The following MTAP variants were observed in gnomAD, a reference collection of about 807,000 sequenced individuals.
MTAP encodes the protein S-methyl-5'-thioadenosine phosphorylase.
MTAP carries 33 observed loss-of-function variants against 33.6 expected under a neutral mutation model. That is an observed-to-expected ratio of 0.98 (90% CI 0.74 to 1.31). The LOEUF (loss-of-function observed/expected upper bound fraction) is 1.31. Among genes scored for constraint, MTAP ranks in the 40% most tolerant of loss-of-function variants. The pLI, the probability that MTAP is intolerant of heterozygous loss-of-function variation, is 0.00. For missense variants in MTAP, 367 were observed against 360.0 expected (o/e 1.02, Z -0.16); for synonymous variants, 148 against 125.7 (o/e 1.18, Z -1.19).
intron 4 of MTAP, among the ~76,000 whole-genome samples, chr9:21,820,334 AG>A (rs1824600442): frequency 6.6e-6 from 1 of 152,168 alleles, no homozygotes; most frequent in African/African-American, 2.4e-5. Flanking sequence ...GTGTAAAGAA[AG>A]GATCCAGTTT....
chr9:21,913,224 A>T (rs530280437), intron 1 of MTAP, among the ~76,000 whole-genome samples: 1 of 152,216 alleles, frequency 6.6e-6, no homozygotes, highest in African/African-American at 2.4e-5. Context: ...TTATAAATTC[A>T]ATGCCATCCC....
chr9:21,889,040 G>A (rs1818157672), intron 1 of MTAP, among the ~76,000 whole-genome samples: 2 of 152,008 alleles, frequency 1.3e-5, no homozygotes, highest in Admixed American at 1.3e-4. Flanking sequence ...AGCAAAGCCA[G>A]GGAAATTTTC....
chr9:21,842,962 T>C (rs965785930), intron 5 of MTAP, among the ~76,000 whole-genome samples: 1 of 152,170 alleles, frequency 6.6e-6, no homozygotes, highest in Non-Finnish European at 1.5e-5. Flanking sequence ...TAAGAAAAGA[T>C]ACGCAATGGC....
chr9:21,889,155 T>C (rs577549388), intron 1 of MTAP, among the ~76,000 whole-genome samples: 5 of 152,200 alleles, frequency 3.3e-5, no homozygotes, highest in African/African-American at 9.6e-5. Context: ...TCAAACTTTT[T>C]GAATTTTGTT....
intron 4 of MTAP, among the ~76,000 whole-genome samples, chr9:21,825,260 C>CT (rs1420593914): frequency 6.6e-6 from 1 of 152,184 alleles, no homozygotes; most frequent in African/African-American, 2.4e-5. Flanking sequence ...CCCACATTTT[C>CT]TTTATCTGTT....
intron 1 of MTAP, among the ~76,000 whole-genome samples, chr9:21,916,267 T>A (rs1818690403): frequency 6.6e-6 from 1 of 152,200 alleles, no homozygotes; most frequent in African/African-American, 2.4e-5. Context: ...GATGAGGTCA[T>A]ACCGGGTTGA....
intron 1 of MTAP, among the ~76,000 whole-genome samples, chr9:21,809,874 G>A (rs1161935548): frequency 6.6e-6 from 1 of 152,202 alleles, no homozygotes; most frequent in Non-Finnish European, 1.5e-5. Context: ...AGGCAAAGGA[G>A]AGCTCTAACA....
chr9:21,809,107 C>G (rs1824281228), intron 1 of MTAP: 1 of 152,328 alleles, frequency 6.6e-6, no homozygotes, highest in Admixed American at 6.5e-5. Flanking sequence ...ATCATGTCCC[C>G]TTTTCTCTCC....
intron 1 of MTAP, among the ~76,000 whole-genome samples, chr9:21,889,302 T>G (rs530170098): frequency 1.3e-5 from 2 of 152,296 alleles, no homozygotes; most frequent in East Asian, 3.9e-4. Flanking sequence ...TATTTTATTC[T>G]TTTAACTTCT....
At chr9:21,840,114 T>A (rs2118348946) in intron 5 of MTAP, among the ~76,000 whole-genome samples, 1 of 151,978 alleles carries the variant, frequency 6.6e-6, no homozygotes, top group African/African-American at 2.4e-5. Context: ...TAGTCCCAGC[T>A]ACTTGGGAGG....
intron 1 of MTAP, among the ~76,000 whole-genome samples, chr9:21,918,430 T>C (rs1818731556): frequency 7.2e-6 from 1 of 138,172 alleles, no homozygotes; most frequent in Non-Finnish European, 1.5e-5. Flanking sequence ...GGTTAAGGGA[T>C]AAGAGAATAT....
intron 1 of MTAP, among the ~76,000 whole-genome samples, chr9:21,878,808 A>C (rs971878547): frequency 6.6e-6 from 1 of 152,166 alleles, no homozygotes; most frequent in Non-Finnish European, 1.5e-5. Context: ...TAATTTCATT[A>C]TTTACCCAAA....
intron 1 of MTAP, among the ~76,000 whole-genome samples, chr9:21,872,587 G>T (rs960156978): frequency 1.3e-5 from 2 of 152,024 alleles, no homozygotes; most frequent in Non-Finnish European, 2.9e-5. Flanking sequence ...TCACTAATGG[G>T]CTCAATCCTA....
chr9:21,869,910 A>C (rs1825911289), downstream of MTAP, among the ~76,000 whole-genome samples: 2 of 152,176 alleles, frequency 1.3e-5, no homozygotes, highest in African/African-American at 4.8e-5. Flanking sequence ...CATTTATGAT[A>C]GCCTATGAAT....
At chr9:21,826,259 A>G (rs748562571) in intron 4 of MTAP, among the ~76,000 whole-genome samples, 1 of 148,378 alleles carries the variant, frequency 6.7e-6, no homozygotes, top group African/African-American at 2.5e-5. Context: ...AGTTCTCTCT[A>G]TTGTCTCATG....
chr9:21,915,234 ACCCGCCAC>A (rs1039536855), intron 1 of MTAP, among the ~76,000 whole-genome samples: 1 of 150,536 alleles, frequency 6.6e-6, no homozygotes, highest in Non-Finnish European at 1.5e-5. Flanking sequence ...GACTACAGGC[ACCCGCCAC>A]CACGCCCGGC....
chr9:21,890,918 T>C (rs1238359317), intron 1 of MTAP, among the ~76,000 whole-genome samples: 1 of 152,202 alleles, frequency 6.6e-6, no homozygotes, highest in Non-Finnish European at 1.5e-5. Flanking sequence ...AGCCTCCACA[T>C]ACTGTTCTGT....
At chr9:21,877,392 A>G (rs1050158654) in intron 1 of MTAP, among the ~76,000 whole-genome samples, 33 of 152,096 alleles carry the variant, frequency 2.2e-4, no homozygotes, top group Admixed American at 1.0e-3. Flanking sequence ...ATCCAATGCA[A>G]TGTTGAATAG....
chr9:21,842,786 AT>A (rs1563843078), intron 5 of MTAP, among the ~76,000 whole-genome samples: 1 of 152,202 alleles, frequency 6.6e-6, no homozygotes, highest in Non-Finnish European at 1.5e-5. Flanking sequence ...AAACCTCAAA[AT>A]ACACCAAAAT....
Sources: gnomAD v4.1 joint callset for allele counts (sites outside exome capture counted in the v4.1 genomes callset) on GRCh38, gnomAD v4.1.1 for gene constraint, MANE v1.5 for transcripts, NCBI Gene and HGNC (gene_info 2026-07-23, HGNC 2026-07-21) for gene names.